The following PGAP2 variants were observed in gnomAD, a reference collection of about 807,000 sequenced individuals.
PGAP2 encodes the protein acyltransferase PGAP2.
PGAP2 carries 21 observed loss-of-function variants against 33.2 expected under a neutral mutation model. The ratio of observed to expected loss-of-function variants is 0.63; its 90% CI spans 0.45 to 0.91. The LOEUF (loss-of-function observed/expected upper bound fraction) is 0.91. Ranked by LOEUF, PGAP2 falls within the 40% of genes least tolerant of loss-of-function variation. The pLI is 0.00. For synonymous variants in PGAP2, 161 were observed against 172.9 expected, an observed-to-expected ratio of 0.93 and a Z score of 0.54; for missense variants, 345 against 424.0, an observed-to-expected ratio of 0.81 and a Z score of 1.64.
At chr11:3,814,782 TTCTTTC>T (rs1205707142) in intron 2 of PGAP2, among the ~76,000 whole-genome samples, 37 of 108,728 alleles carry the variant, frequency 3.4e-4, no homozygotes, top group African/African-American at 1.0e-3. Flanking sequence ...CTTTCTTTCT[TTCTTTC>T]TTTCTTTCTT....
intron 6 of PGAP2, 83 bp from the exon 7 acceptor site, chr11:3,825,245 C>A: frequency 1.3e-6 from 2 of 1,558,524 alleles, no homozygotes; most frequent in Non-Finnish European, 1.8e-6. Flanking sequence ...TGTGGCAGAC[C>A]AATGGTGGTG....
chr11:3,811,735 T>C lies in PGAP2; in HGVS notation c.165+311T>C, dbSNP rs1044658938. ...GAAAGTGGTCTTACATCTTTCTTCC[T>C]GGCCCCGCGCCCCATATCCCTGTCC... On this transcript the variant is annotated intron_variant, in intron 2 of 6. Coordinates refer to ENST00000278243, the MANE Select transcript of PGAP2 (RefSeq NM_014489.4). This position sits in a 1 kb window ranked among gnomAD's most constrained non-coding sequence, Gnocchi z 4.6. Among the ~76,000 whole-genome samples the C allele has an allele frequency of 2.6e-5, 4 of 152,064 alleles. No homozygotes were observed. Among genetic ancestry groups the C allele is most frequent in the African/African-American group, 9.7e-5 (4 of 41,428 alleles).
chr11:3,808,676 GGCTGCCGGGCA>G, intron 1 of PGAP2, 25 bp downstream of exon 1: 2 of 1,127,214 alleles, frequency 1.8e-6, no homozygotes, highest in Non-Finnish European at 2.2e-6. Context: ...GGATGTGCTG[GGCTGCCGGGCA>G]GCCCCACTCG....
Position 3,823,954 on chromosome 11 carries a change from C to T in PGAP2, c.420C>T (p.Phe140=). Residue 140 remains phenylalanine, a synonymous_variant, in exon 4 of 7, where the codon TTC becomes TTT. Transcript: ENST00000278243. ...GEVPQRYVWR[F]CIGLHSAPRF... The stretch of plus-strand genomic sequence containing the variant: ...TGCCCCAGCGCTACGTGTGGCGTTT[C>T]TGCATCGGCCTGCACTCGGCGCCTC... 1 of 1,609,506 alleles carries T rather than the reference C, an allele frequency of 6.2e-7. No individual in the cohort carries two copies. The highest frequency in any genetic ancestry group is 8.5e-7 in the Non-Finnish European group (1 of 1,179,948).
Position 3,808,606 on chromosome 11 carries a change from A to G in PGAP2, c.-56A>G. 2 of 1,330,874 alleles carry G rather than the reference A, an allele frequency of 1.5e-6. No individual in the cohort carries two copies. Among genetic ancestry groups the G allele is most frequent in the Non-Finnish European group, 1.9e-6 (2 of 1,040,120 alleles). 82.4% of individuals were successfully genotyped at this position (1,330,874 alleles called of 1,614,324 possible). On this transcript the variant is annotated 5_prime_UTR_variant, in exon 1 of 7. Coordinates refer to ENST00000278243, the MANE Select transcript of PGAP2 (RefSeq NM_014489.4). ...CAGAGCCAGCCCCCGACCCCGGGCC[A>G]CCTGGGCCCCCGGGTTCCGCCGGCA...
rs1056709569 is a variant in PGAP2 at position 3,826,027 on chromosome 11, C to G, written c.*569C>G. ...TCTGAGCCTCGGTGTGTCCATGTGT[C>G]TGGCGGGGGATGGGTGGACTGTATG... On this transcript the variant is annotated 3_prime_UTR_variant, in exon 7 of 7. Transcript: ENST00000278243. The G allele has an allele frequency of 6.5e-6, 1 of 153,974 alleles. No individual in the cohort carries two copies. Among genetic ancestry groups the G allele is most frequent in the Non-Finnish European group, 1.4e-5 (1 of 69,186 alleles). The allele number at this position is 153,974 out of a possible 1,614,324, so 9.5% of individuals were successfully genotyped here. A position where few individuals can be genotyped will look rare whatever the true frequency, so the allele number is the denominator to read the frequency against.
At chr11:3,800,811 CAAAAAAAAAA>C (rs1162584142) in intron 1 of PGAP2, among the ~76,000 whole-genome samples, 4 of 67,100 alleles carry the variant, frequency 6.0e-5, no homozygotes, top group Non-Finnish European at 1.2e-4. Flanking sequence ...GACTCCGTCT[CAAAAAAAAAA>C]AAAAAAAAAA....
intron 1 of PGAP2, chr11:3,798,235 A>G (rs985339617): frequency 1.2e-5 from 11 of 925,640 alleles, no homozygotes; most frequent in Non-Finnish European, 1.0e-5. Context: ...GGAGCATTAG[A>G]GATGCCCTAA....
chr11:3,807,827 T>C (rs1469676646), upstream of PGAP2, among the ~76,000 whole-genome samples: 1 of 152,146 alleles, frequency 6.6e-6, no homozygotes, highest in Non-Finnish European at 1.5e-5. Flanking sequence ...TCCTTCCCTG[T>C]TGGGCTGGGA....
At chr11:3,806,465 G>C (rs2084363527), upstream of PGAP2, among the ~76,000 whole-genome samples, 1 of 152,218 alleles carries the variant, frequency 6.6e-6, no homozygotes, top group South Asian at 2.1e-4. Flanking sequence ...GAGCCCCTCA[G>C]AGTGCGTCTG....
At chr11:3,803,958 T>G (rs2083906134), upstream of PGAP2, among the ~76,000 whole-genome samples, 1 of 151,810 alleles carries the variant, frequency 6.6e-6, no homozygotes, top group Non-Finnish European at 1.5e-5. Flanking sequence ...GCCTGGCTAA[T>G]TTTTGCATTT....
intron 2 of PGAP2, among the ~76,000 whole-genome samples, chr11:3,815,257 C>T (rs1381059264): frequency 6.6e-6 from 1 of 151,568 alleles, no homozygotes. Context: ...GGCTTCAGGT[C>T]AGCCCTGTAG....
intron 3 of PGAP2, among the ~76,000 whole-genome samples, chr11:3,818,401 T>G (rs2087676316): frequency 6.7e-6 from 1 of 148,598 alleles, no homozygotes. Flanking sequence ...AGAGAAGGGA[T>G]TGGAATGGGC....
At chr11:3,824,402 C>A in intron 5 of PGAP2, 26 bp downstream of exon 5, 1 of 1,614,104 alleles carries the variant, frequency 6.2e-7, no homozygotes, top group Non-Finnish European at 8.5e-7. Context: ...AGCGGGGGCT[C>A]CAAGGCAGCC....
chr11:3,811,140 C>T lies in PGAP2; in HGVS notation c.-10-110C>T. The T allele has an allele frequency of 1.0e-6, 1 of 985,946 alleles. No homozygotes were observed. The highest frequency in any genetic ancestry group is 1.7e-5 in the South Asian group (1 of 60,350). 61.1% of individuals were successfully genotyped at this position (985,946 alleles called of 1,614,324 possible). ...TTTAGGTGCCTTCCTCCTCAGACTC[C>T]CCACCCCACAGCACACAGCTAATTT... is the stretch of plus-strand genomic sequence containing the variant. On this transcript the variant is annotated intron_variant, in intron 1 of 6. Coordinates refer to ENST00000278243, the MANE Select transcript of PGAP2 (RefSeq NM_014489.4). The surrounding 1 kb of genome is among the most constrained non-coding windows in gnomAD (Gnocchi z 4.6).
rs768458307 is a variant in PGAP2 at position 3,797,863 on chromosome 11, C to T, written c.20C>T (p.Thr7Ile). 33 of 1,550,402 alleles carry T rather than the reference C, an allele frequency of 2.1e-5. No individual in the cohort carries two copies. In the South Asian group the frequency reaches 3.8e-4, roughly 18 times the overall value. ...TTGTGAATGGCTAGATTGGGAAGCA[C>T]CGGCGGGGTGTCGGGAAGGGTGGTG... The change falls in exon 1 of 7, where the codon ACC (threonine) becomes ATC (isoleucine). Residue 7 changes from threonine to isoleucine, a missense_variant. Physicochemically the swap from Thr to Ile is moderately conservative, Grantham distance 89. Transcript: ENST00000300730.
chr11:3,817,273 A>C (rs1011821215), intron 2 of PGAP2, 80 bp from the exon 3 acceptor site: 108 of 1,054,454 alleles, frequency 1.0e-4, no homozygotes, highest in Admixed American at 1.0e-4. Context: ...TACTCTGAGG[A>C]GCCATCTCTG....
chr11:3,804,788 G>A (rs957397128), upstream of PGAP2, among the ~76,000 whole-genome samples: 2 of 152,030 alleles, frequency 1.3e-5, no homozygotes, highest in African/African-American at 4.8e-5. Context: ...TGCAACCTCC[G>A]CCTCCTGGGT....
upstream of PGAP2, among the ~76,000 whole-genome samples, chr11:3,805,958 T>C (rs1230343093): frequency 7.1e-6 from 1 of 141,202 alleles, no homozygotes; most frequent in Non-Finnish European, 1.5e-5. Flanking sequence ...GTGCTGGGAT[T>C]ACAGATGTGA....
Sources: gnomAD v4.1 joint callset for allele counts (sites outside exome capture counted in the v4.1 genomes callset) on GRCh38, gnomAD v4.1.1 for gene constraint, Gnocchi (gnomAD v3.1) non-coding constraint, MANE v1.5 for transcripts, NCBI Gene and HGNC (gene_info 2026-07-23, HGNC 2026-07-21) for gene names.